RAPGEF5: variants seen among roughly 807,000 people sequenced by gnomAD.
The protein encoded by RAPGEF5 is M-Ras-regulated GEF.
A neutral mutation model predicts 125.2 loss-of-function variants in RAPGEF5; 65 were observed. The observed-to-expected ratio is 0.52, with a 90% CI of 0.43 to 0.64. The LOEUF is 0.64. Ranked by LOEUF, RAPGEF5 falls within the 30% of genes least tolerant of loss-of-function variation. The pLI, the probability that RAPGEF5 is intolerant of heterozygous loss-of-function variation, is 0.00. For missense variants in RAPGEF5, 958 were observed against 1,048.1 expected (o/e 0.91, Z 1.19); for synonymous variants, 391 against 385.9 (o/e 1.01, Z -0.16).
At position 22,318,030 on chromosome 7, in the gene RAPGEF5, G is replaced by GC; in HGVS notation, c.238_239insG (p.Ser80CysfsTer6). On this transcript the variant is annotated frameshift_variant, in exon 2 of 26. Transcript: ENST00000665637. LOFTEE classifies it high-confidence loss of function. ...AAGGTACGGATTAGATATTCTTCTTGATAGAGTCTATTTTAAACAAAGAAA... is the reference window on the plus strand; with the variant it reads ...AAGGTACGGATTAGATATTCTTCTTGCATAGAGTCTATTTTAAACAAAGAAA... 6.5e-7 allele frequency: 1 copy of GC among 1,531,178 alleles called. No homozygotes were observed. Among genetic ancestry groups the GC allele is most frequent in the Non-Finnish European group, 8.8e-7 (1 of 1,139,442 alleles). The allele number at this position is 1,531,178 out of a possible 1,614,324, so 94.8% of individuals were successfully genotyped here. A position where few individuals can be genotyped will look rare whatever the true frequency, so the allele number is the denominator to read the frequency against.
intron 11 of RAPGEF5, among the ~76,000 whole-genome samples, chr7:22,183,353 C>T (rs1784734687): frequency 7.0e-6 from 1 of 142,074 alleles, no homozygotes; most frequent in Non-Finnish European, 1.5e-5. Flanking sequence ...TGAAACTTGA[C>T]AATTTGTGTA....
chr7:22,286,166 C>T (rs186655040), intron 6 of RAPGEF5, among the ~76,000 whole-genome samples: 2 of 149,342 alleles, frequency 1.3e-5, no homozygotes. Flanking sequence ...GACATAAATT[C>T]CCCCCCACCA....
chr7:22,163,054 G>C (rs932687127), intron 12 of RAPGEF5: 3 of 450,990 alleles, frequency 6.7e-6, no homozygotes, highest in African/African-American at 6.0e-5. Flanking sequence ...CCCACTCCTA[G>C]GAACTTACTT....
intron 7 of RAPGEF5, among the ~76,000 whole-genome samples, chr7:22,265,564 G>A (rs1488656450): frequency 6.6e-6 from 1 of 152,150 alleles, no homozygotes; most frequent in East Asian, 1.9e-4. Flanking sequence ...ATAAATATGG[G>A]AGTGCAGATA....
intron 6 of RAPGEF5, among the ~76,000 whole-genome samples, chr7:22,285,346 C>G (rs567591113): frequency 6.6e-6 from 1 of 152,198 alleles, no homozygotes; most frequent in Admixed American, 6.5e-5. Flanking sequence ...ATCCCCCCAA[C>G]TTTCATTCAA....
intron 1 of RAPGEF5, among the ~76,000 whole-genome samples, chr7:22,342,351 A>T (rs1057364138): frequency 2.0e-5 from 3 of 152,198 alleles, no homozygotes; most frequent in Non-Finnish European, 4.4e-5. Flanking sequence ...TGGGCCTGTG[A>T]TGGGAGGGGC....
At chr7:22,125,969 G>A (rs41273836) in intron 24 of RAPGEF5, among the ~76,000 whole-genome samples, 152 of 152,170 alleles carry the variant, frequency 1.0e-3, no homozygotes, top group Non-Finnish European at 1.6e-3. Context: ...CCAATATGGC[G>A]AAACCCCATC....
chr7:22,250,453 T>C (rs1288724622), intron 7 of RAPGEF5, among the ~76,000 whole-genome samples: 2 of 152,222 alleles, frequency 1.3e-5, no homozygotes, highest in Non-Finnish European at 2.9e-5. Flanking sequence ...TTGCATCACT[T>C]ACTATGGAAT....
At position 22,219,844 on chromosome 7, in the gene RAPGEF5, C is replaced by T. The variant is rs2128132531; in HGVS notation, c.996+22G>A. 1.9e-6 allele frequency: 3 copies of T among 1,576,966 alleles called. No individual in the cohort carries two copies. In the Middle Eastern group the frequency reaches 5.1e-4, roughly 266 times the overall value. On this transcript the variant is annotated intron_variant, in intron 9 of 25. Coordinates refer to ENST00000665637, the MANE Select transcript of RAPGEF5 (RefSeq NM_012294.5). The stretch of plus-strand genomic sequence containing the variant: ...ATTTTCCACCCCTTCAAACCTGCAT[C>T]CCCAAGAGGCAAAAGGCTTACGTGT...
chr7:22,267,904 A>T (rs1782322976), intron 6 of RAPGEF5, among the ~76,000 whole-genome samples: 1 of 151,910 alleles, frequency 6.6e-6, no homozygotes. Flanking sequence ...CAGGCAGCAG[A>T]ATATATTGCA....
rs1167263884 is a variant in RAPGEF5, at chr7:22,166,937, T to G, written c.1283+133A>C. 4.2e-6 allele frequency: 3 copies of G among 709,254 alleles called. No homozygotes were observed. In the Admixed American group the frequency reaches 8.0e-5, roughly 19 times the overall value. The allele number at this position is 709,254 out of a possible 1,614,324, so 43.9% of individuals were successfully genotyped here. ...CTCATTTCATCTTCTACCTTGGATA[T>G]CATTACATTAATATTTAACATATCC... On this transcript the variant is annotated intron_variant, in intron 12 of 25. Transcript: ENST00000665637.
At chr7:22,136,564 A>T (rs1338402906) in intron 22 of RAPGEF5, among the ~76,000 whole-genome samples, 1 of 152,190 alleles carries the variant, frequency 6.6e-6, no homozygotes, top group East Asian at 1.9e-4. Context: ...TATAATTTTT[A>T]AAAATCTCAA....
intron 7 of RAPGEF5, among the ~76,000 whole-genome samples, chr7:22,239,670 C>T (rs1253603711): frequency 6.6e-6 from 1 of 152,034 alleles, no homozygotes; most frequent in Non-Finnish European, 1.5e-5. Context: ...AGCTTCTCTT[C>T]TACTTCTTAA....
intron 1 of RAPGEF5, among the ~76,000 whole-genome samples, chr7:22,319,531 C>A (rs1199843260): frequency 2.6e-5 from 4 of 152,154 alleles, no homozygotes; most frequent in African/African-American, 9.7e-5. Flanking sequence ...AGGTAGAGAG[C>A]CCATTTTTAA....
Position 22,223,032 on chromosome 7 carries a change from T to G in RAPGEF5, c.871-3041A>C, listed in dbSNP as rs1785831693. 2.0e-5 allele frequency among the ~76,000 whole-genome samples: 3 copies of G among 151,702 alleles called. No homozygotes were observed. The East Asian group carries it at 5.8e-4, about 29-fold the overall frequency. On this transcript the variant is annotated intron_variant, in intron 8 of 25. Transcript: ENST00000665637. ...AATGGCTATTGACATCCAAGTGGAG[T>G]TGCTGAGTTGGAAGTCTGGAGGTTC...
intron 23 of RAPGEF5, among the ~76,000 whole-genome samples, chr7:22,132,112 T>C (rs1782930925): frequency 2.0e-5 from 3 of 152,332 alleles, no homozygotes; most frequent in African/African-American, 7.2e-5. Context: ...GGGAAAAGAA[T>C]GTCTTAAAAA....
intron 22 of RAPGEF5, 101 bp downstream of exon 22, chr7:22,136,832 C>G: frequency 9.6e-7 from 1 of 1,042,560 alleles, no homozygotes. Flanking sequence ...TCTAGGCTAC[C>G]TGACACGGTA....
At chr7:22,141,036 C>T (rs1333376742) in intron 20 of RAPGEF5, among the ~76,000 whole-genome samples, 4 of 152,168 alleles carry the variant, frequency 2.6e-5, no homozygotes, top group South Asian at 4.1e-4. Flanking sequence ...GATGCCATCC[C>T]TTCTGACCTC....
chr7:22,144,631 A>G (rs1275323411), intron 20 of RAPGEF5, among the ~76,000 whole-genome samples: 1 of 152,172 alleles, frequency 6.6e-6, no homozygotes, highest in Non-Finnish European at 1.5e-5. Context: ...CGAGTTCGCA[A>G]AAGTTCATAC....
Sources: gnomAD v4.1 joint callset for allele counts (sites outside exome capture counted in the v4.1 genomes callset) on GRCh38, gnomAD v4.1.1 for gene constraint, MANE v1.5 for transcripts, NCBI Gene and HGNC (gene_info 2026-07-23, HGNC 2026-07-21) for gene names.